IL1RAPL1: variants seen among roughly 807,000 people sequenced by gnomAD.
The protein encoded by IL1RAPL1 is interleukin-1 receptor accessory protein-like 1.
In IL1RAPL1, 3 loss-of-function variants were observed where a neutral mutation model predicts 48.4. That is an observed-to-expected ratio of 0.06 (90% CI 0.03 to 0.16). The LOEUF is 0.16. Ranked by LOEUF, IL1RAPL1 falls within the 10% of genes least tolerant of loss-of-function variation. IL1RAPL1 has a pLI of 1.00. For missense variants in IL1RAPL1, 349 were observed against 530.6 expected, an observed-to-expected ratio of 0.66 and a Z score of 3.36; for synonymous variants, 185 against 187.7, an observed-to-expected ratio of 0.99 and a Z score of 0.12.
At chrX:29,142,269 C>T (rs764447405) in intron 2 of IL1RAPL1, among the ~76,000 whole-genome samples, 2 of 112,037 alleles carry the variant, frequency 1.8e-5, no homozygotes, top group Non-Finnish European at 3.8e-5. Context: ...AAGATCATTT[C>T]TCTGATAGTC....
chrX:29,009,389 T>G (rs781610615), intron 2 of IL1RAPL1, among the ~76,000 whole-genome samples: 6 of 112,329 alleles, frequency 5.3e-5, no homozygotes, highest in Non-Finnish European at 1.1e-4. Flanking sequence ...TACATAAAGT[T>G]TGAGGTCTTA....
intron 2 of IL1RAPL1, among the ~76,000 whole-genome samples, chrX:28,972,398 T>G (rs774991260): frequency 1.8e-5 from 2 of 112,246 alleles, no homozygotes; most frequent in South Asian, 7.3e-4. Context: ...ATTAAAGATC[T>G]TTCCAAGTTC....
At chrX:29,933,673 AG>A (rs1431272336) in intron 8 of IL1RAPL1, among the ~76,000 whole-genome samples, 76 of 108,023 alleles carry the variant, frequency 7.0e-4, no homozygotes, top group African/African-American at 2.6e-3. Context: ...AAAAAAAAAA[AG>A]AGAGAGAAGA....
At chrX:29,386,843 G>A (rs1375649721) in intron 3 of IL1RAPL1, among the ~76,000 whole-genome samples, 1 of 111,750 alleles carries the variant, frequency 8.9e-6, no homozygotes, top group Non-Finnish European at 1.9e-5. Context: ...CTGCCCAGCC[G>A]TGAATGAATT....
At chrX:29,066,825 A>C (rs2147437401) in intron 2 of IL1RAPL1, among the ~76,000 whole-genome samples, 1 of 111,898 alleles carries the variant, frequency 8.9e-6, no homozygotes, top group East Asian at 2.8e-4. Context: ...TGTAACATAG[A>C]GCTTCAGGGC....
Position 29,104,684 on chromosome X carries a change from G to A in IL1RAPL1, c.83-178254G>A, listed in dbSNP as rs964264283. On this transcript the variant is annotated intron_variant, in intron 2 of 10. Transcript: ENST00000378993. Reference sequence around the variant, plus strand: ...AGGTGATAGATATCTCATTTACTATGATGTGATTGTCAGGTATTACATGCC... The same window carrying A: ...AGGTGATAGATATCTCATTTACTATAATGTGATTGTCAGGTATTACATGCC... Among the ~76,000 whole-genome samples, 3 of 111,011 alleles carry A rather than the reference G, an allele frequency of 2.7e-5. No individual in the cohort carries two copies. The East Asian group carries it at 8.4e-4, about 31-fold the overall frequency.
At chrX:29,637,203 G>A (rs1924996587) in intron 5 of IL1RAPL1, among the ~76,000 whole-genome samples, 1 of 107,192 alleles carries the variant, frequency 9.3e-6, no homozygotes, top group Non-Finnish European at 1.9e-5. Flanking sequence ...ACACACTTAG[G>A]TATAAATAGA....
At chrX:29,479,749 A>G (rs976900386) in intron 5 of IL1RAPL1, among the ~76,000 whole-genome samples, 7 of 110,581 alleles carry the variant, frequency 6.3e-5, no homozygotes, top group Non-Finnish European at 1.1e-4. Flanking sequence ...GCTCCCACCT[A>G]TAAGTGAGAA....
At chrX:29,840,398 A>G (rs1601847427) in intron 6 of IL1RAPL1, among the ~76,000 whole-genome samples, 1 of 111,976 alleles carries the variant, frequency 8.9e-6, no homozygotes, top group East Asian at 2.8e-4. Flanking sequence ...CAGTCTGCCT[A>G]ATTCAAAATT....
chrX:28,707,565 A>G (rs932258240), intron 1 of IL1RAPL1, among the ~76,000 whole-genome samples: 3 of 111,997 alleles, frequency 2.7e-5, no homozygotes, highest in Non-Finnish European at 5.6e-5. Flanking sequence ...TATAGAATAT[A>G]TTATACCACG....
intron 5 of IL1RAPL1, among the ~76,000 whole-genome samples, chrX:29,555,248 A>G (rs1193148847): frequency 8.9e-6 from 1 of 112,725 alleles, no homozygotes; most frequent in East Asian, 2.8e-4. Context: ...ACATAGTACC[A>G]TTCTAAATTT....
At chrX:29,061,543 C>A (rs900415841) in intron 2 of IL1RAPL1, among the ~76,000 whole-genome samples, 1 of 111,936 alleles carries the variant, frequency 8.9e-6, no homozygotes, top group African/African-American at 3.2e-5. Context: ...ACTGCAACCT[C>A]CACCTCCTAG....
intron 2 of IL1RAPL1, among the ~76,000 whole-genome samples, chrX:29,142,814 C>G (rs991363525): frequency 9.1e-6 from 1 of 109,793 alleles, no homozygotes; most frequent in African/African-American, 3.3e-5. Context: ...AATTCTTGTG[C>G]CTCAGCCTCC....
In IL1RAPL1 at chrX:28,895,364, G is replaced by A. The variant is rs191173877; in HGVS notation, c.82+105939G>A. On this transcript the variant is annotated intron_variant, in intron 2 of 10. Coordinates refer to ENST00000378993, the MANE Select transcript of IL1RAPL1 (RefSeq NM_014271.4). Reference sequence around the variant, plus strand: ...AAAGCGTGCTGTGGGATGGGATATTGGCATTGAGGGGGGTAAGGGTGATTA... The same window carrying A: ...AAAGCGTGCTGTGGGATGGGATATTAGCATTGAGGGGGGTAAGGGTGATTA... Among the ~76,000 whole-genome samples, 189 of 109,038 alleles carry A rather than the reference G, an allele frequency of 1.7e-3. 1 individual carries two copies. Among genetic ancestry groups the A allele is most frequent in the Non-Finnish European group, 2.8e-3 (146 of 52,463 alleles). 94.7% of individuals were successfully genotyped at this position (109,038 alleles called of 115,157 possible).
At chrX:29,549,425 G>T (rs1921731265) in intron 5 of IL1RAPL1, among the ~76,000 whole-genome samples, 1 of 111,371 alleles carries the variant, frequency 9.0e-6, no homozygotes, top group Non-Finnish European at 1.9e-5. Context: ...CCGGCATACT[G>T]TTGTAATTGA....
chrX:29,558,651 T>G (rs1380293293), intron 5 of IL1RAPL1, among the ~76,000 whole-genome samples: 1 of 111,881 alleles, frequency 8.9e-6, no homozygotes, highest in Non-Finnish European at 1.9e-5. Context: ...TATGTTTTCT[T>G]CCAGTAGTTT....
chrX:28,838,470 C>T lies in IL1RAPL1; in HGVS notation c.82+49045C>T, dbSNP rs142902477. 9.5e-4 allele frequency among the ~76,000 whole-genome samples: 105 copies of T among 110,282 alleles called. 5 individuals carry two copies. In the East Asian group the frequency reaches 0.029, roughly 31 times the overall value. On this transcript the variant is annotated intron_variant, in intron 2 of 10. Coordinates refer to ENST00000378993, the MANE Select transcript of IL1RAPL1 (RefSeq NM_014271.4). ...TAGTATTCCCCAAACAAGAAATAGACGAAACAAAGATGCAGAAAAGAGAAA... is the reference window on the plus strand; with the variant it reads ...TAGTATTCCCCAAACAAGAAATAGATGAAACAAAGATGCAGAAAAGAGAAA...
chrX:29,095,585 A>T (rs1435414978), intron 2 of IL1RAPL1, among the ~76,000 whole-genome samples: 4 of 111,714 alleles, frequency 3.6e-5, no homozygotes, highest in Non-Finnish European at 7.5e-5. Context: ...TTTTAAGTTA[A>T]TAGAATTCTG....
At chrX:29,362,994 G>T (rs964345654) in intron 3 of IL1RAPL1, among the ~76,000 whole-genome samples, 1 of 111,410 alleles carries the variant, frequency 9.0e-6, no homozygotes, top group African/African-American at 3.3e-5. Flanking sequence ...TTTTACAGAC[G>T]AGAAAACTGA....
Sources: allele counts gnomAD v4.1 joint callset (sites outside exome capture counted in the v4.1 genomes callset), GRCh38; gene constraint gnomAD v4.1.1; transcripts MANE v1.5; gene names NCBI Gene and HGNC (gene_info 2026-07-23, HGNC 2026-07-21).